The following DNHD1 variants were observed in gnomAD, a reference collection of about 807,000 sequenced individuals.
DNHD1 encodes the protein dynein heavy chain domain 1, also known as dynein heavy chain domain-containing protein 1.
A neutral mutation model predicts 458.1 loss-of-function variants in DNHD1; 383 were observed. The observed-to-expected ratio is 0.84, with a 90% CI of 0.77 to 0.91. The LOEUF (loss-of-function observed/expected upper bound fraction) is 0.91, where lower values mean the gene tolerates loss of function less well. DNHD1 is among the 40% of genes least tolerant of loss of function. The probability of loss-of-function intolerance (pLI) is 0.00; values close to 1 mark genes in which losing one functional copy is unlikely to be tolerated. For missense variants in DNHD1, 5,336 were observed against 5,866.1 expected, an observed-to-expected ratio of 0.91 and a Z score of 2.95; for synonymous variants, 2,203 against 2,376.9, an observed-to-expected ratio of 0.93 and a Z score of 2.13.
intron 25 of DNHD1, 40 bp downstream of exon 25, chr11:6,558,337 T>TA (rs1853514209): frequency 1.3e-6 from 2 of 1,539,450 alleles, no homozygotes; most frequent in East Asian, 2.5e-5. Flanking sequence ...GCTCTGCTCT[T>TA]ACGCTGTCTT....
intron 7 of DNHD1, among the ~76,000 whole-genome samples, 159 bp from the exon 8 acceptor site, chr11:6,519,441 G>C (rs1312873523): frequency 6.6e-6 from 1 of 152,110 alleles, no homozygotes; most frequent in Admixed American, 6.5e-5. Context: ...TAAAATTTGA[G>C]GGGGTGGGGT....
Position 6,505,289 on chromosome 11 carries a change from T to C in DNHD1, c.920+2363T>C, listed in dbSNP as rs1852209358. On this transcript the variant is annotated intron_variant, in intron 4 of 42. Transcript: ENST00000254579. This position sits in a 1 kb window ranked among gnomAD's most constrained non-coding sequence, Gnocchi z 4.4. ...TAAGATGGAGTCTCACTCTGTTGCC[T>C]AGGCTGGAGTGCCATGGCGATCTTG... Among the ~76,000 whole-genome samples, 1 of 152,032 alleles carries C rather than the reference T, an allele frequency of 6.6e-6. No homozygotes were observed.
In DNHD1 at chr11:6,540,023, G is replaced by T; in HGVS notation, c.3568G>T (p.Val1190Leu). ...AGCCTCAGAGCGCTCCAAGAGGCAGGTGCTCCGCAGCCCCCAATGGGAGGT... is the reference window on the plus strand; with the variant it reads ...AGCCTCAGAGCGCTCCAAGAGGCAGTTGCTCCGCAGCCCCCAATGGGAGGT... The part of the protein sequence containing the change: ...PPASERSKRQ[V>L]LRSPQWEVVD... The change falls in exon 18 of 43, where the codon GTG becomes TTG. Residue 1190 changes from valine (V) to leucine (L), a missense_variant. Physicochemically the swap from Val to Leu is conservative, Grantham distance 32 (BLOSUM62 1). Around this residue, in one of 4 missense-constraint regions of DNHD1, gnomAD observed 3,932 missense variants for 4,365.6 expected, o/e 0.90. Coordinates refer to ENST00000254579, the MANE Select transcript of DNHD1 (RefSeq NM_144666.3). 3.9e-6 allele frequency: 6 copies of T among 1,551,692 alleles called. No individual in the cohort carries two copies. The highest frequency in any genetic ancestry group is 4.4e-6 in the Non-Finnish European group (5 of 1,146,938).
chr11:6,545,059 C>G lies in DNHD1; in HGVS notation c.4120C>G (p.Arg1374Gly). The G allele has an allele frequency of 1.9e-6, 3 of 1,551,846 alleles. No individual in the cohort carries two copies. Among genetic ancestry groups the G allele is most frequent in the Non-Finnish European group, 1.7e-6 (2 of 1,147,024 alleles). Residue 1374 changes from arginine to glycine, a missense_variant, in exon 21 of 43, where the codon CGA becomes GGA. Arg to Gly is a moderately radical substitution (Grantham distance 125). Coordinates refer to ENST00000254579, the MANE Select transcript of DNHD1 (RefSeq NM_144666.3). The surrounding 1 kb of genome is among the most constrained non-coding windows in gnomAD (Gnocchi z 4.9). ...TGAGCTGGTAGCCCTGCTGGCTGCT[C>G]GACTGGAATCATGCGAAGCCCAGCT... Reference protein sequence around the residue: ...DSELVALLAARLESCEAQLWV... With the variant: ...DSELVALLAAGLESCEAQLWV...
Position 6,539,900 on chromosome 11 carries a change from A to G in DNHD1, c.3445A>G (p.Ile1149Val), listed in dbSNP as rs960704847. The change falls in exon 18 of 43, where the codon ATT becomes GTT. Residue 1149 changes from isoleucine (I) to valine (V), a missense_variant. This residue lies in a region of DNHD1 where 3,932 missense variants were observed against 4,365.6 expected (regional missense o/e 0.90). Transcript: ENST00000254579. ...NQVWQNENER[I>V]HAQETIRRLQ... ...GGTCTGGCAGAATGAAAATGAACGAATTCATGCCCAAGAGACTATACGGCG... is the reference window on the plus strand; with the variant it reads ...GGTCTGGCAGAATGAAAATGAACGAGTTCATGCCCAAGAGACTATACGGCG... 6.4e-7 allele frequency: 1 copy of G among 1,551,574 alleles called. No homozygotes were observed. Among genetic ancestry groups the G allele is most frequent in the African/African-American group, 1.4e-5 (1 of 73,034 alleles).
Position 6,535,484 on chromosome 11 carries a change from A to G in DNHD1, c.2998+1311A>G, listed in dbSNP as rs1852926731. Among the ~76,000 whole-genome samples the G allele has an allele frequency of 2.6e-5, 4 of 152,210 alleles. No individual in the cohort carries two copies. The South Asian group carries it at 8.3e-4, about 32-fold the overall frequency. ...AGGGCTGTGGCAGGGTAGGTACAAG[A>G]TGAACCTAAAGTGTCATTTTATACC... On this transcript the variant is annotated intron_variant, in intron 14 of 42. Coordinates refer to ENST00000254579, the MANE Select transcript of DNHD1 (RefSeq NM_144666.3).
rs550278435 is a variant in DNHD1, at chr11:6,546,829, G to A, written c.5890G>A (p.Gly1964Ser). 53 of 1,551,834 alleles carry A rather than the reference G, an allele frequency of 3.4e-5. No homozygotes were observed. The African/African-American group carries it at 6.6e-4, about 19-fold the overall frequency. ...PLVVEELQQV[G>S]LDPSPDILGS... is the part of the protein sequence containing the mutation. The stretch of plus-strand genomic sequence containing the variant: ...GGTGGTGGAGGAACTGCAACAGGTA[G>A]GTCTGGATCCCAGCCCTGACATTTT... Residue 1964 changes from glycine (G) to serine (S), a missense_variant, in exon 21 of 43, where the codon GGT becomes AGT. By Grantham distance (56) the Gly-to-Ser change is moderately conservative (BLOSUM62 0). Transcript: ENST00000254579.
Position 6,546,678 on chromosome 11 carries a change from C to CCCTACTGCGG in DNHD1, c.5739_5740insCCTACTGCGG (p.Ser1914ProfsTer8). On this transcript the variant is annotated frameshift_variant, in exon 21 of 43. Transcript: ENST00000254579. LOFTEE classifies it high-confidence loss of function. The stretch of plus-strand genomic sequence containing the variant: ...CCATTGAGGAGGCTGCCCTACTGCG[C>CCCTACTGCGG]TCACCACTGTTTAGCATTCTCAATG... The CCCTACTGCGG allele has an allele frequency of 3.6e-6, 1 of 279,896 alleles. No individual in the cohort carries two copies. The highest frequency in any genetic ancestry group is 5.5e-6 in the Non-Finnish European group (1 of 181,388). The allele number at this position is 279,896 out of a possible 1,614,324, so 17.3% of individuals were successfully genotyped here. A position where few individuals can be genotyped will look rare whatever the true frequency, so the allele number is the denominator to read the frequency against.
intron 7 of DNHD1, among the ~76,000 whole-genome samples, chr11:6,517,756 A>G (rs1852514634): frequency 6.9e-6 from 1 of 143,974 alleles, no homozygotes; most frequent in Admixed American, 7.6e-5. Flanking sequence ...ACTCCACCTC[A>G]TAATACCGTC....
Position 6,558,688 on chromosome 11 carries a change from A to AT in DNHD1, c.9207dup (p.Asp3070Ter), listed in dbSNP as rs1853521643. ...GAGGGTGCTCAGAGTGTGCCCCTTG[A>AT]TGACGGTAAGCCCTTTTTACTTGTC... On this transcript the variant is annotated frameshift_variant, in exon 26 of 43. Transcript: ENST00000254579. LOFTEE classifies it high-confidence loss of function. The AT allele has an allele frequency of 1.3e-6, 2 of 1,549,328 alleles. No individual in the cohort carries two copies. Among genetic ancestry groups the AT allele is most frequent in the Admixed American group, 2.0e-5 (1 of 50,986 alleles).
chr11:6,552,388 G>C (rs368625507), intron 24 of DNHD1, among the ~76,000 whole-genome samples: 1 of 152,060 alleles, frequency 6.6e-6, no homozygotes, highest in African/African-American at 2.4e-5. Flanking sequence ...GCTGGGTGTG[G>C]TGGGGGTCAC....
Position 6,568,117 on chromosome 11 carries a change from T to C in DNHD1, c.12413T>C (p.Val4138Ala). 2 of 1,568,980 alleles carry C rather than the reference T, an allele frequency of 1.3e-6. No homozygotes were observed. Among genetic ancestry groups the C allele is most frequent in the Non-Finnish European group, 1.7e-6 (2 of 1,155,960 alleles). Residue 4138 changes from valine (V) to alanine (A), a missense_variant, in exon 37 of 43, where the codon GTG becomes GCG. Physicochemically the swap from Val to Ala is moderately conservative, Grantham distance 64. Transcript: ENST00000254579. ...GSEAWDPVSVVVSTLSQAMYE... is the reference protein window; with the variant it reads ...GSEAWDPVSVAVSTLSQAMYE... ...GAAGCCTGGGACCCAGTCTCAGTTG[T>C]GGTCAGCACTCTATCCCAGGCTATG...
At position 6,567,825 on chromosome 11, in the gene DNHD1, A is replaced by T. The variant is rs763456310; in HGVS notation, c.12316A>T (p.Thr4106Ser). 6.2e-7 allele frequency: 1 copy of T among 1,612,898 alleles called. No homozygotes were observed. The highest frequency in any genetic ancestry group is 1.7e-5 in the Admixed American group (1 of 60,014). ...CCCCTCAGCCACTCTGCATCCTCTG[A>T]CTGTCATCCAGAAACTGGCTGCCAA... ...GHPSATLHPL[T>S]VIQKLAAKYQ... The change falls in exon 36 of 43, where the codon ACT becomes TCT. Residue 4106 changes from threonine to serine, a missense_variant. Transcript: ENST00000254579.
rs912156091 is a variant in DNHD1 at position 6,534,132 on chromosome 11, G to C, written c.2957G>C (p.Ser986Thr). The change falls in exon 14 of 43, where the codon AGC becomes ACC. Residue 986 changes from serine to threonine, a missense_variant. Transcript: ENST00000254579. ...GAGCGTCAGTTCCAGAACACAGTCAGCGACCTCAGTGAACTGCACCACGCC... is the reference window on the plus strand; with the variant it reads ...GAGCGTCAGTTCCAGAACACAGTCACCGACCTCAGTGAACTGCACCACGCC... The part of the protein sequence containing the change: ...SLERQFQNTV[S>T]DLSELHHAYA... 1.0e-5 allele frequency: 16 copies of C among 1,551,228 alleles called. No individual in the cohort carries two copies. The highest frequency in any genetic ancestry group is 4.1e-5 in the African/African-American group (3 of 72,950).
chr11:6,513,035 A>G (rs1228624222), intron 7 of DNHD1, among the ~76,000 whole-genome samples: 2 of 152,080 alleles, frequency 1.3e-5, no homozygotes, highest in African/African-American at 4.8e-5. Flanking sequence ...AGGAGTGAAA[A>G]GGAGGCAGTG....
intron 32 of DNHD1, 35 bp from the exon 33 acceptor site, chr11:6,565,660 C>T (rs956185633): frequency 1.3e-6 from 2 of 1,512,446 alleles, no homozygotes; most frequent in Non-Finnish European, 1.8e-6. Flanking sequence ...TGATTCCTCC[C>T]CTAAGAAGAG....
Position 6,533,808 on chromosome 11 carries a change from T to C in DNHD1, c.2633T>C (p.Val878Ala). ...SAENEALDIS[V>A]RRQFGESPIP... ...GAGAATGAAGCACTGGACATCTCGG[T>C]GAGAAGGCAATTCGGGGAGTCACCC... is the stretch of plus-strand genomic sequence containing the variant. The change falls in exon 14 of 43, where the codon GTG becomes GCG. Residue 878 changes from valine (V) to alanine (A), a missense_variant. By Grantham distance (64) the Val-to-Ala change is moderately conservative. Transcript: ENST00000254579. The C allele has an allele frequency of 2.6e-6, 4 of 1,551,454 alleles. No individual in the cohort carries two copies. The highest frequency in any genetic ancestry group is 3.5e-6 in the Non-Finnish European group (4 of 1,146,934).
chr11:6,571,214 G>A lies in DNHD1; in HGVS notation c.13702G>A (p.Val4568Met), dbSNP rs752473329. The change falls in exon 42 of 43, where the codon GTG (valine) becomes ATG (methionine). Residue 4568 changes from valine (V) to methionine (M), a missense_variant. Physicochemically the swap from Val to Met is conservative, Grantham distance 21. Around this residue, in one of 4 missense-constraint regions of DNHD1, gnomAD observed 698 missense variants for 664.9 expected, o/e 1.05. Transcript: ENST00000254579. This position sits in a 1 kb window ranked among gnomAD's most constrained non-coding sequence, Gnocchi z 5.0. ...GCAACTGTTGGTTCGTTACTTGGGC[G>A]TGGGCGCGGACGCGAGCAGTGATGT... ...RGQLLVRYLG[V>M]GADASSDVPE... The A allele has an allele frequency of 2.3e-5, 37 of 1,608,386 alleles. No individual in the cohort carries two copies. The highest frequency in any genetic ancestry group is 2.4e-5 in the Non-Finnish European group (28 of 1,176,916).
rs1380854220 is a variant in DNHD1, at chr11:6,498,578, C to T, written c.363C>T (p.His121=). 6.2e-7 allele frequency: 1 copy of T among 1,614,242 alleles called. No homozygotes were observed. The highest frequency in any genetic ancestry group is 1.1e-5 in the South Asian group (1 of 91,078). ...LYCWAPWVQT[H]LHLDLLGAIV... ...GCTGGGCACCCTGGGTCCAAACCCA[C>T]CTCCATCTGGACCTGCTAGGTGCCA... is the stretch of plus-strand genomic sequence containing the variant. Residue 121 remains histidine, a synonymous_variant, in exon 3 of 43, where the codon CAC becomes CAT. Coordinates refer to ENST00000254579, the MANE Select transcript of DNHD1 (RefSeq NM_144666.3).
Sources: allele counts gnomAD v4.1 joint callset (sites outside exome capture counted in the v4.1 genomes callset), GRCh38; gene constraint gnomAD v4.1.1; regional missense constraint gnomAD v4.1.1; non-coding constraint Gnocchi (gnomAD v3.1); transcripts MANE v1.5; gene names NCBI Gene and HGNC (gene_info 2026-07-23, HGNC 2026-07-21).